The following NBEA variants were observed in gnomAD, a reference collection of about 807,000 sequenced individuals.
NBEA encodes lysosomal-trafficking regulator 2.
A neutral mutation model predicts 343.4 loss-of-function variants in NBEA; 44 were observed. That is an observed-to-expected ratio of 0.13 (90% confidence interval 0.10 to 0.16). NBEA has a LOEUF of 0.16. NBEA is among the 10% of genes least tolerant of loss of function. The pLI, the probability that NBEA is intolerant of heterozygous loss-of-function variation, is 1.00. For missense variants in NBEA, 2,555 were observed against 3,631.3 expected, an observed-to-expected ratio of 0.70 and a Z score of 7.62; for synonymous variants, 1,175 against 1,238.7, an observed-to-expected ratio of 0.95 and a Z score of 1.08.
intron 31 of NBEA, among the ~76,000 whole-genome samples, chr13:35,206,725 T>G (rs1426216314): frequency 6.6e-6 from 1 of 152,140 alleles, no homozygotes; most frequent in Non-Finnish European, 1.5e-5. Context: ...TGATCTCATT[T>G]AATCTCCCCA....
At chr13:35,097,803 G>A (rs1593334525) in intron 10 of NBEA, among the ~76,000 whole-genome samples, 1 of 151,470 alleles carries the variant, frequency 6.6e-6, no homozygotes, top group East Asian at 1.9e-4. Flanking sequence ...TATTTCTCTG[G>A]ATTTTTTTTA....
intron 1 of NBEA, among the ~76,000 whole-genome samples, chr13:34,965,576 C>CCTAGAAATGTTTTTCTTT (rs1756473460): frequency 6.6e-6 from 1 of 151,900 alleles, no homozygotes; most frequent in South Asian, 2.1e-4. Flanking sequence ...GTGTTTTCTT[C>CCTAGAAATGTTTTTCTTT]CTAGAAATGT....
At chr13:35,420,478 CT>C (rs1234688145) in intron 38 of NBEA, among the ~76,000 whole-genome samples, 1 of 151,598 alleles carries the variant, frequency 6.6e-6, no homozygotes, top group Non-Finnish European at 1.5e-5. Context: ...CTGTAGTTTT[CT>C]TTTTTTGTAC....
chr13:35,563,202 A>G (rs552881639), intron 44 of NBEA, among the ~76,000 whole-genome samples: 3 of 151,744 alleles, frequency 2.0e-5, no homozygotes, highest in South Asian at 2.1e-4. Flanking sequence ...AAATATATAT[A>G]TTTACTTACC....
At chr13:35,204,752 CTATG>C (rs2152748030) in intron 31 of NBEA, among the ~76,000 whole-genome samples, 1 of 152,118 alleles carries the variant, frequency 6.6e-6, no homozygotes, top group Non-Finnish European at 1.5e-5. Context: ...CTTTTTGTGG[CTATG>C]TATGTTTTTG....
chr13:35,007,269 C>A (rs2061349314), intron 1 of NBEA, among the ~76,000 whole-genome samples: 1 of 152,130 alleles, frequency 6.6e-6, no homozygotes, highest in Non-Finnish European at 1.5e-5. Context: ...TTGTATTTCA[C>A]ATCCTTTTTT....
intron 48 of NBEA, among the ~76,000 whole-genome samples, chr13:35,614,318 T>C (rs1339404580): frequency 6.6e-6 from 1 of 152,218 alleles, no homozygotes; most frequent in African/African-American, 2.4e-5. Context: ...CTTAAAAAAG[T>C]CAAGTTTATC....
At chr13:35,016,589 TACACACAC>T (rs66655195) in intron 1 of NBEA, among the ~76,000 whole-genome samples, 328 of 148,244 alleles carry the variant, frequency 2.2e-3, no homozygotes, top group Middle Eastern at 6.8e-3. Flanking sequence ...TGTATGTGTA[TACACACAC>T]ACACACACAC....
intron 41 of NBEA, among the ~76,000 whole-genome samples, chr13:35,478,972 G>A (rs756292881): frequency 1.1e-4 from 16 of 152,252 alleles, no homozygotes; most frequent in Non-Finnish European, 2.2e-4. Context: ...CGCGCAGGTG[G>A]CGCATCTTCG....
At chr13:35,375,436 G>C (rs1378605329) in intron 38 of NBEA, among the ~76,000 whole-genome samples, 1 of 151,782 alleles carries the variant, frequency 6.6e-6, no homozygotes, top group African/African-American at 2.4e-5. Context: ...TTTCAAAAGG[G>C]GGAAATCTTA....
At chr13:35,009,310 A>T (rs2061410920) in intron 1 of NBEA, among the ~76,000 whole-genome samples, 1 of 152,178 alleles carries the variant, frequency 6.6e-6, no homozygotes, top group African/African-American at 2.4e-5. Flanking sequence ...GTATGTCAAA[A>T]GGTGGAAATT....
intron 8 of NBEA, among the ~76,000 whole-genome samples, chr13:35,066,278 A>G (rs533902284): frequency 6.6e-6 from 1 of 152,238 alleles, no homozygotes; most frequent in East Asian, 1.9e-4. Flanking sequence ...CTTTAGAAGA[A>G]TGTGTATTAA....
chr13:35,007,994 C>T (rs117125673), intron 1 of NBEA, among the ~76,000 whole-genome samples: 5 of 151,980 alleles, frequency 3.3e-5, no homozygotes, highest in African/African-American at 7.2e-5. Flanking sequence ...AAATTGTAAA[C>T]GCAATTTGAG....
chr13:35,518,951 A>G (rs915845151), intron 41 of NBEA, among the ~76,000 whole-genome samples: 2 of 152,206 alleles, frequency 1.3e-5, no homozygotes, highest in Non-Finnish European at 2.9e-5. Flanking sequence ...AACGTAGAAC[A>G]TGACAAATAG....
chr13:35,219,831 A>G (rs1049650664), intron 33 of NBEA, among the ~76,000 whole-genome samples: 2 of 152,152 alleles, frequency 1.3e-5, no homozygotes, highest in Non-Finnish European at 2.9e-5. Flanking sequence ...AGTTTGCTCA[A>G]CTTTTTTGTT....
intron 41 of NBEA, among the ~76,000 whole-genome samples, chr13:35,514,257 T>C (rs1452786503): frequency 6.6e-6 from 1 of 152,244 alleles, no homozygotes; most frequent in Non-Finnish European, 1.5e-5. Flanking sequence ...TTTGCTGATG[T>C]GAAATGACGA....
intron 1 of NBEA, among the ~76,000 whole-genome samples, chr13:34,945,272 A>G (rs1476304014): frequency 6.6e-6 from 1 of 152,142 alleles, no homozygotes; most frequent in African/African-American, 2.4e-5. Flanking sequence ...ATAAATGACA[A>G]AAGGAGCTGT....
intron 38 of NBEA, among the ~76,000 whole-genome samples, chr13:35,402,447 C>G (rs1457216329): frequency 1.3e-5 from 2 of 151,826 alleles, no homozygotes; most frequent in Admixed American, 1.3e-4. Context: ...TTTTCTTGTT[C>G]TTTTATTATT....
intron 48 of NBEA, among the ~76,000 whole-genome samples, chr13:35,609,132 A>G (rs2153053438): frequency 6.6e-6 from 1 of 152,372 alleles, no homozygotes; most frequent in South Asian, 2.1e-4. Context: ...TATGCATTAA[A>G]GAAAAATAGA....
Sources: allele counts gnomAD v4.1 joint callset (sites outside exome capture counted in the v4.1 genomes callset), GRCh38; gene constraint gnomAD v4.1.1; transcripts MANE v1.5; gene names NCBI Gene and HGNC (gene_info 2026-07-23, HGNC 2026-07-21).